Variants in TSC22D1 observed in about 807,000 individuals in gnomAD.
TSC22D1 encodes TSC22 domain family member 1.
A neutral mutation model predicts 74.2 loss-of-function variants in TSC22D1; 9 were observed. That is an observed-to-expected ratio of 0.12 (90% CI 0.07 to 0.21). TSC22D1 has a LOEUF of 0.21. TSC22D1 is among the 10% of genes least tolerant of loss of function. TSC22D1 has a pLI of 1.00. For missense variants in TSC22D1, 1,427 were observed against 1,304.7 expected (o/e 1.09, Z -1.44); for synonymous variants, 586 against 492.5 (o/e 1.19, Z -2.51).
At chr13:44,532,327 GATAA>G (rs933994785) in intron 1 of TSC22D1, among the ~76,000 whole-genome samples, 6 of 152,112 alleles carry the variant, frequency 3.9e-5, no homozygotes, top group African/African-American at 1.2e-4. Flanking sequence ...CACTTTACTG[GATAA>G]ATATTTAAGG....
chr13:44,540,784 C>T (rs942568297), intron 1 of TSC22D1, among the ~76,000 whole-genome samples: 1 of 152,014 alleles, frequency 6.6e-6, no homozygotes, highest in African/African-American at 2.4e-5. Context: ...AGCATCTGAT[C>T]AAGGAAAAGC....
At chr13:44,464,982 C>T (rs35905649) in intron 1 of TSC22D1, among the ~76,000 whole-genome samples, 6,444 of 152,272 alleles carry the variant, frequency 0.042, 176 homozygotes, top group Non-Finnish European at 0.067. Context: ...TTTTACTAAA[C>T]TGGTACCAAC....
intron 1 of TSC22D1, among the ~76,000 whole-genome samples, chr13:44,551,965 T>C (rs1044227945): frequency 1.2e-4 from 19 of 152,144 alleles, no homozygotes; most frequent in African/African-American, 3.9e-4. Context: ...TTTGGCACAG[T>C]AGTAAGAGCA....
intron 1 of TSC22D1, among the ~76,000 whole-genome samples, chr13:44,550,053 G>A (rs1314342120): frequency 1.3e-5 from 2 of 151,998 alleles, no homozygotes; most frequent in Non-Finnish European, 2.9e-5. Flanking sequence ...ACTAATCCAC[G>A]TCTGGAAAGT....
intron 1 of TSC22D1, among the ~76,000 whole-genome samples, chr13:44,507,382 G>A (rs754982622): frequency 6.6e-6 from 1 of 152,056 alleles, no homozygotes; most frequent in Non-Finnish European, 1.5e-5. Flanking sequence ...AGGCGTCAGA[G>A]TAATACATTA....
chr13:44,436,649 C>T (rs1874665596), intron 1 of TSC22D1: 2 of 1,595,882 alleles, frequency 1.3e-6, no homozygotes, highest in South Asian at 1.2e-5. Flanking sequence ...CCAAAAACAC[C>T]CTCGTGGAAA....
chr13:44,539,701 T>A (rs1316471657), intron 1 of TSC22D1: 59 of 1,190,652 alleles, frequency 5.0e-5, no homozygotes, highest in Non-Finnish European at 6.3e-5. Context: ...ACCACAGAAT[T>A]AAATGGGCAA....
intron 1 of TSC22D1, among the ~76,000 whole-genome samples, chr13:44,550,579 T>C (rs1280525166): frequency 7.2e-6 from 1 of 138,292 alleles, no homozygotes; most frequent in Non-Finnish European, 1.5e-5. Context: ...TGAAACTCTG[T>C]CTCGGGGAAA....
chr13:44,436,106 G>T lies in TSC22D1; in HGVS notation c.2913-11C>A. 6.2e-7 allele frequency: 1 copy of T among 1,609,590 alleles called. No individual in the cohort carries two copies. Among genetic ancestry groups the T allele is most frequent in the Non-Finnish European group, 8.5e-7 (1 of 1,178,574 alleles). On this transcript the variant is annotated splice_polypyrimidine_tract_variant and intron_variant, in intron 1 of 2. Transcript: ENST00000458659. ...CTTGCACCAGAGGAGCTGAAAAAGA[G>T]GAGGGAAAAAGGTCATCGATAAATG... is the stretch of plus-strand genomic sequence containing the variant.
Position 44,573,312 on chromosome 13 carries a change from T to G in TSC22D1, c.2763A>C (p.Leu921Phe). The change falls in exon 1 of 3, where the codon TTA becomes TTC. Residue 921 changes from leucine (L) to phenylalanine (F), a missense_variant. Leu to Phe is a conservative substitution (Grantham distance 22). Around this residue, in one of 3 missense-constraint regions of TSC22D1, gnomAD observed 1,343 missense variants for 1,191.5 expected, o/e 1.13. Coordinates refer to ENST00000458659, the MANE Select transcript of TSC22D1 (RefSeq NM_183422.4). ...EDARRAAEPS[L>F]VGLPQTISGD... ...CACTGATAGTCTGAGGTAAGCCAAC[T>G]AAGGAGGGCTCCGCTGCACGCCTGG... The G allele has an allele frequency of 6.2e-7, 1 of 1,614,240 alleles. No individual in the cohort carries two copies. Among genetic ancestry groups the G allele is most frequent in the Non-Finnish European group, 8.5e-7 (1 of 1,180,050 alleles).
intron 1 of TSC22D1, among the ~76,000 whole-genome samples, chr13:44,475,450 T>G (rs1249042817): frequency 2.0e-5 from 2 of 99,948 alleles, no homozygotes. Context: ...GAGAGGGAGG[T>G]AAAACAAACA....
At chr13:44,499,208 A>C (rs1377099895) in intron 1 of TSC22D1, among the ~76,000 whole-genome samples, 1 of 152,206 alleles carries the variant, frequency 6.6e-6, no homozygotes. Context: ...GGTTGGCATT[A>C]GATAATATGC....
intron 1 of TSC22D1, among the ~76,000 whole-genome samples, chr13:44,446,537 C>T (rs913830174): frequency 2.0e-5 from 3 of 152,064 alleles, no homozygotes; most frequent in South Asian, 2.1e-4. Context: ...TGAGGTACCT[C>T]GTTCACCACT....
intron 1 of TSC22D1, among the ~76,000 whole-genome samples, chr13:44,551,063 G>T (rs1412629706): frequency 6.6e-6 from 1 of 150,766 alleles, no homozygotes; most frequent in South Asian, 2.1e-4. Context: ...AGCTGTGATT[G>T]CACCACTGTA....
chr13:44,482,548 C>G (rs1282679989), intron 1 of TSC22D1, among the ~76,000 whole-genome samples: 1 of 151,960 alleles, frequency 6.6e-6, no homozygotes, highest in African/African-American at 2.4e-5. Context: ...CAAAACAAAA[C>G]AAAACAAAAA....
At chr13:44,521,519 A>G (rs1233917635) in intron 1 of TSC22D1, among the ~76,000 whole-genome samples, 2 of 152,162 alleles carry the variant, frequency 1.3e-5, no homozygotes, top group Non-Finnish European at 2.9e-5. Flanking sequence ...AAAAAAAGAA[A>G]GAATGAAAGC....
intron 1 of TSC22D1, among the ~76,000 whole-genome samples, chr13:44,469,217 A>C (rs147659176): frequency 1.3e-5 from 2 of 152,200 alleles, no homozygotes; most frequent in Non-Finnish European, 2.9e-5. Flanking sequence ...TTCAAGATCT[A>C]TAAGTACCCA....
intron 1 of TSC22D1, among the ~76,000 whole-genome samples, chr13:44,567,474 T>G (rs1026789644): frequency 6.8e-6 from 1 of 146,172 alleles, no homozygotes; most frequent in African/African-American, 2.5e-5. Flanking sequence ...AGTAAGAAAA[T>G]AAAACCTAGA....
chr13:44,481,426 ATGATATATCC>A (rs1254775933), intron 1 of TSC22D1, among the ~76,000 whole-genome samples: 2 of 152,218 alleles, frequency 1.3e-5, no homozygotes, highest in Non-Finnish European at 2.9e-5. Context: ...TAAACAAGAG[ATGATATATCC>A]TGATAAAGCA....
Sources: allele counts gnomAD v4.1 joint callset (sites outside exome capture counted in the v4.1 genomes callset), GRCh38; gene constraint gnomAD v4.1.1; regional missense constraint gnomAD v4.1.1; transcripts MANE v1.5; gene names NCBI Gene and HGNC (gene_info 2026-07-23, HGNC 2026-07-21).